AGAP3: variants seen among roughly 807,000 people sequenced by gnomAD.
The protein encoded by AGAP3 is ArfGAP with GTPase domain, ankyrin repeat and PH domain 3.
In AGAP3, 24 loss-of-function variants were observed where a neutral mutation model predicts 96.9. That is an observed-to-expected ratio of 0.25 (90% CI 0.18 to 0.35). The LOEUF is 0.35. AGAP3 is among the 10% of genes least tolerant of loss of function. AGAP3 has a pLI of 1.00. For missense variants in AGAP3, 876 were observed against 1,254.2 expected, an observed-to-expected ratio of 0.70 and a Z score of 4.55; for synonymous variants, 563 against 536.1, an observed-to-expected ratio of 1.05 and a Z score of -0.69.
At chr7:151,093,205 A>G (rs951200021) in intron 1 of AGAP3, among the ~76,000 whole-genome samples, 7 of 152,208 alleles carry the variant, frequency 4.6e-5, no homozygotes, top group Non-Finnish European at 1.0e-4. Context: ...GCAGTGGTGC[A>G]GTCCTAGCTC....
intron 10 of AGAP3, among the ~76,000 whole-genome samples, chr7:151,128,948 A>T (rs10235060): frequency 1.3e-5 from 2 of 152,146 alleles, no homozygotes; most frequent in African/African-American, 4.8e-5. Flanking sequence ...CCACTTCCAC[A>T]GAATTTCTGG....
At chr7:151,101,388 C>A (rs1002526642) in intron 1 of AGAP3, among the ~76,000 whole-genome samples, 1 of 152,192 alleles carries the variant, frequency 6.6e-6, no homozygotes, top group East Asian at 1.9e-4. Context: ...TGACTCATGC[C>A]CTCCCTGTTG....
Position 151,142,362 on chromosome 7 carries a change from C to T in AGAP3, c.2051-50C>T. 1 of 1,599,350 alleles carries T rather than the reference C, an allele frequency of 6.3e-7. No homozygotes were observed. The highest frequency in any genetic ancestry group is 1.1e-5 in the South Asian group (1 of 90,538). The stretch of plus-strand genomic sequence containing the variant: ...GGAAGCCTTCCCTAGTTGTCCCGCG[C>T]TCTGGTGGCCTGCCTGCTGTCGCTG... On this transcript the variant is annotated intron_variant, in intron 15 of 17. Transcript: ENST00000397238. This position sits in a 1 kb window ranked among gnomAD's most constrained non-coding sequence, Gnocchi z 7.5.
rs777169515 is a variant in AGAP3 at position 151,128,697 on chromosome 7, G to T, written c.1326+13G>T. On this transcript the variant is annotated intron_variant, in intron 10 of 17. Coordinates refer to ENST00000397238, the MANE Select transcript of AGAP3 (RefSeq NM_031946.7). ...CCCCAGCCTGCATGTGAGTCTGGGA[G>T]GAGGAGCCTCCTGGGGGAGTATGGG... 6.2e-7 allele frequency: 1 copy of T among 1,610,658 alleles called. No individual in the cohort carries two copies. Among genetic ancestry groups the T allele is most frequent in the Non-Finnish European group, 8.5e-7 (1 of 1,177,366 alleles).
rs1310915228 is a variant in AGAP3 at position 151,123,852 on chromosome 7, G to T, written c.1187G>T (p.Ser396Ile). 3.7e-6 allele frequency: 6 copies of T among 1,611,594 alleles called. No homozygotes were observed. In the Admixed American group the frequency reaches 5.0e-5, roughly 13 times the overall value. The change falls in exon 9 of 18, where the codon AGC (serine) becomes ATC (isoleucine). Residue 396 changes from serine (S) to isoleucine (I), a missense_variant. By Grantham distance (142) the Ser-to-Ile change is moderately radical. Transcript: ENST00000397238. The stretch of plus-strand genomic sequence containing the variant: ...AAGGCTGCCGAGTGCAAGGTGGACA[G>T]CATCGGGAGCGGCCGCGCCATCCCC... ...EKKAAECKVD[S>I]IGSGRAIPIK...
At chr7:151,123,772 C>T (rs369815038) in intron 8 of AGAP3, 22 bp from the exon 9 acceptor site, 19 of 1,612,724 alleles carry the variant, frequency 1.2e-5, no homozygotes, top group Admixed American at 1.7e-5. Flanking sequence ...CTCTTTAACA[C>T]GCCTCTTGTT....
In AGAP3 at chr7:151,120,034, C is replaced by T. The variant is rs1799798845; in HGVS notation, c.1017C>T (p.Val339=). Residue 339 remains valine, a synonymous_variant, in exon 8 of 18, where the codon GTC becomes GTT. Transcript: ENST00000397238. ...GSAFSDYSSS[V]PSTPSISQRE... The stretch of plus-strand genomic sequence containing the variant: ...CCTTCAGCGACTACTCGTCCTCAGT[C>T]CCCTCCACCCCCAGCATCAGCCAGC... 5.0e-6 allele frequency: 8 copies of T among 1,613,960 alleles called. No individual in the cohort carries two copies. The highest frequency in any genetic ancestry group is 2.2e-5 in the East Asian group (1 of 44,870).
chr7:151,139,983 T>C lies in AGAP3; in HGVS notation c.1671T>C (p.Ser557=). Reference sequence around the variant, plus strand: ...CTCCAACTCTCCCCTCACCAGCCAGTGGCCCAGCTGAGGTACTCAGTTCCA... The same window carrying C: ...CTCCAACTCTCCCCTCACCAGCCAGCGGCCCAGCTGAGGTACTCAGTTCCA... ...SLPPGMQHPA[S]GPAEVLSSSP... is the part of the protein sequence containing the mutation. The change falls in exon 13 of 18, where the codon AGT becomes AGC. Residue 557 remains serine, a synonymous_variant. Transcript: ENST00000397238. The surrounding 1 kb of genome is among the most constrained non-coding windows in gnomAD (Gnocchi z 4.9). 1 of 1,563,304 alleles carries C rather than the reference T, an allele frequency of 6.4e-7. No homozygotes were observed. The highest frequency in any genetic ancestry group is 2.4e-5 in the East Asian group (1 of 40,856).
intron 1 of AGAP3, among the ~76,000 whole-genome samples, chr7:151,097,517 CA>C (rs67915216): frequency 0.44 from 41,617 of 95,592 alleles, 5,741 homozygotes; most frequent in East Asian, 0.6. Flanking sequence ...GACTCTGTCT[CA>C]AAAAAAAAAA....
At chr7:151,112,396 C>CGTACGTGTGTGT (rs372118031) in intron 1 of AGAP3, among the ~76,000 whole-genome samples, 12 of 139,848 alleles carry the variant, frequency 8.6e-5, no homozygotes, top group Non-Finnish European at 4.7e-5. Flanking sequence ...TTCCCCGAGA[C>CGTACGTGTGTGT]GTGTGTGTGT....
chr7:151,120,333 C>T lies in AGAP3; in HGVS notation c.1128+188C>T, dbSNP rs149369512. Among the ~76,000 whole-genome samples the T allele has an allele frequency of 1.8e-3, 280 of 152,350 alleles. 1 individual carries two copies. Among genetic ancestry groups the T allele is most frequent in the African/African-American group, 6.4e-3 (268 of 41,588 alleles). ...CCCTCAGAGTCTTCCAGACTGTTCT[C>T]TGCACCCACAAGGGGTTTCCAGTAG... On this transcript the variant is annotated intron_variant, in intron 8 of 17. Transcript: ENST00000397238.
intron 1 of AGAP3, among the ~76,000 whole-genome samples, chr7:151,092,823 GTGT>G (rs1156725629): frequency 1.3e-5 from 2 of 152,172 alleles, no homozygotes; most frequent in African/African-American, 4.8e-5. Context: ...GGCTGAATAA[GTGT>G]TGTTGGCCAC....
In AGAP3 at chr7:151,096,872, G is replaced by A. The variant is rs7798453; in HGVS notation, c.331+9800G>A. Reference sequence around the variant, plus strand: ...CAGCTCACTGCAACCTCTGCCTCCCGAGTTCAAGCAATTCTCGTGCCTCAG... The same window carrying A: ...CAGCTCACTGCAACCTCTGCCTCCCAAGTTCAAGCAATTCTCGTGCCTCAG... On this transcript the variant is annotated intron_variant, in intron 1 of 17. Transcript: ENST00000397238. This position sits in a 1 kb window ranked among gnomAD's most constrained non-coding sequence, Gnocchi z 4.4. 0.27 allele frequency among the ~76,000 whole-genome samples: 41,161 copies of A among 151,816 alleles called. 6,000 individuals carry two copies. The highest frequency in any genetic ancestry group is 0.4 in the Admixed American group (6,094 of 15,260).
intron 8 of AGAP3, chr7:151,122,632 A>T: frequency 6.8e-7 from 1 of 1,462,008 alleles, no homozygotes; most frequent in East Asian, 2.4e-5. Context: ...GCCGCTCCCC[A>T]GGCGCCTGGG....
intron 8 of AGAP3, chr7:151,120,925 C>T (rs1169136480): frequency 5.2e-6 from 5 of 963,280 alleles, no homozygotes; most frequent in Non-Finnish European, 6.3e-6. Flanking sequence ...ATCCTCCAGC[C>T]GGGCTTGGCT....
intron 1 of AGAP3, among the ~76,000 whole-genome samples, chr7:151,100,715 G>A (rs565172796): frequency 1.1e-3 from 168 of 152,224 alleles, no homozygotes; most frequent in African/African-American, 3.9e-3. Flanking sequence ...GGTGGTGCAC[G>A]CCTGTAGTCC....
At chr7:151,138,662 C>T (rs1307465612) in intron 12 of AGAP3, among the ~76,000 whole-genome samples, 2 of 152,222 alleles carry the variant, frequency 1.3e-5, no homozygotes, top group African/African-American at 4.8e-5. Flanking sequence ...TGGTGGCTCC[C>T]GCATCCCCAT....
chr7:151,115,424 C>G, intron 1 of AGAP3: 1 of 1,009,730 alleles, frequency 9.9e-7, no homozygotes, highest in Admixed American at 5.9e-5. Context: ...GCACCCGTAG[C>G]GACGGCGACG....
chr7:151,129,586 C>T (rs74903475), intron 10 of AGAP3, among the ~76,000 whole-genome samples: 4 of 152,304 alleles, frequency 2.6e-5, no homozygotes, highest in South Asian at 2.1e-4. Flanking sequence ...GTCAGCCGCT[C>T]GCCCTTCCTA....
Sources: allele counts gnomAD v4.1 joint callset (sites outside exome capture counted in the v4.1 genomes callset), GRCh38; gene constraint gnomAD v4.1.1; non-coding constraint Gnocchi (gnomAD v3.1); transcripts MANE v1.5; gene names NCBI Gene and HGNC (gene_info 2026-07-23, HGNC 2026-07-21).